MIB1: variants seen among roughly 807,000 people sequenced by gnomAD.
MIB1 encodes E3 ubiquitin-protein ligase MIB1.
In MIB1, 278 loss-of-function variants were observed where a neutral mutation model predicts 124.5. The ratio of observed to expected loss-of-function variants is 2.23; its 90% CI spans 2.02 to 2.47. The LOEUF (loss-of-function observed/expected upper bound fraction) is 2.47, where lower values mean the gene tolerates loss of function less well. Ranked by LOEUF, MIB1 falls within the 30% of genes most tolerant of loss-of-function variation. MIB1 has a pLI of 0.00. For synonymous variants in MIB1, 446 were observed against 429.4 expected (o/e 1.04, Z -0.48); for missense variants, 957 against 1,254.4 (o/e 0.76, Z 3.58).
At chr18:21,738,578 C>T (rs887123024), upstream of MIB1, among the ~76,000 whole-genome samples, 10 of 151,704 alleles carry the variant, frequency 6.6e-5, no homozygotes, top group East Asian at 1.2e-3. Context: ...GAGGCCGAGG[C>T]GGGCGGATCA....
At chr18:21,834,773 A>G (rs2042011647) in intron 12 of MIB1, among the ~76,000 whole-genome samples, 1 of 152,228 alleles carries the variant, frequency 6.6e-6, no homozygotes, top group South Asian at 2.1e-4. Flanking sequence ...GGAGCTAAGG[A>G]GAAAAGACAA....
intron 12 of MIB1, among the ~76,000 whole-genome samples, chr18:21,823,401 T>TAA (rs757621455): frequency 1.6e-5 from 2 of 128,482 alleles, no homozygotes; most frequent in African/African-American, 2.9e-5. Flanking sequence ...ACCCTGTCTC[T>TAA]AAAAAAAAAA....
At position 21,815,792 on chromosome 18, in the gene MIB1, T is replaced by C; in HGVS notation, c.1656T>C (p.Phe552=). Residue 552 remains phenylalanine, a synonymous_variant, in exon 11 of 21, where the codon TTT becomes TTC. Transcript: ENST00000261537. The part of the protein sequence containing the change: ...HLQVVKTLLD[F]GCHPSLQDSE... ...AAGTTGTGAAGACTTTATTGGACTT[T>C]GGCTGTCATCCCAGTCTCCAGGTAA... 1.9e-6 allele frequency: 3 copies of C among 1,614,142 alleles called. No individual in the cohort carries two copies. Among genetic ancestry groups the C allele is most frequent in the Non-Finnish European group, 2.5e-6 (3 of 1,179,998 alleles).
chr18:21,784,744 A>T (rs1315425403), intron 6 of MIB1, among the ~76,000 whole-genome samples: 5 of 152,120 alleles, frequency 3.3e-5, no homozygotes, highest in Admixed American at 6.5e-5. Context: ...GGGCCACTAG[A>T]GGGCTCGTTG....
chr18:21,818,478 G>C (rs1256485491), intron 11 of MIB1, among the ~76,000 whole-genome samples: 4 of 152,112 alleles, frequency 2.6e-5, no homozygotes, highest in African/African-American at 9.7e-5. Context: ...TATATTTGAG[G>C]CTACTTCTTT....
At chr18:21,725,158 C>T (rs1453170671) in intron 1 of MIB1, among the ~76,000 whole-genome samples, 1 of 151,566 alleles carries the variant, frequency 6.6e-6, no homozygotes, top group Non-Finnish European at 1.5e-5. Context: ...CATTGTGACC[C>T]CAACCTCAGT....
intron 12 of MIB1, among the ~76,000 whole-genome samples, chr18:21,835,840 A>ACACAC (rs1555695330): frequency 4.4e-4 from 48 of 108,062 alleles, no homozygotes; most frequent in Middle Eastern, 5.4e-3. Flanking sequence ...CACACACACA[A>ACACAC]ACACACACGA....
intron 11 of MIB1, chr18:21,817,814 A>G (rs929779781): frequency 1.1e-5 from 3 of 265,974 alleles, no homozygotes; most frequent in South Asian, 3.7e-5. Context: ...GAGACAAACC[A>G]TGCAGGAAAT....
chr18:21,779,423 G>A, intron 5 of MIB1, 58 bp from the exon 6 acceptor site: 1 of 1,328,798 alleles, frequency 7.5e-7, no homozygotes, highest in Non-Finnish European at 1.1e-6. Flanking sequence ...AGATAATGCA[G>A]CTGCCTGTTG....
At chr18:21,724,385 A>T (rs2040728231) in intron 1 of MIB1, among the ~76,000 whole-genome samples, 2 of 152,058 alleles carry the variant, frequency 1.3e-5, no homozygotes, top group Admixed American at 1.3e-4. Context: ...AATGAAAAAA[A>T]TTTTAGGTTA....
At position 21,791,190 on chromosome 18, in the gene MIB1, A is replaced by AG. The variant is rs1456693343; in HGVS notation, c.909-184_909-183insG. The AG allele has an allele frequency of 1.1e-5, 5 of 450,568 alleles. No homozygotes were observed. In the East Asian group the frequency reaches 1.6e-4, roughly 15 times the overall value. 27.9% of individuals were successfully genotyped at this position (450,568 alleles called of 1,614,324 possible). On this transcript the variant is annotated intron_variant, in intron 6 of 20. Transcript: ENST00000261537. Reference sequence around the variant, plus strand: ...GAGCAAGACTCTGTCTAAAAAAAAAAAAAACAAAACAGAAAACAAACAATG... The same window carrying AG: ...GAGCAAGACTCTGTCTAAAAAAAAAAGAAAACAAAACAGAAAACAAACAATG...
At chr18:21,724,712 CAA>C (rs1193584277) in intron 1 of MIB1, among the ~76,000 whole-genome samples, 574 of 20,578 alleles carry the variant, frequency 0.028, 29 homozygotes, top group Middle Eastern at 0.062. Context: ...CTCCCCCATC[CAA>C]AAAAAAAAAA....
At chr18:21,783,657 C>T (rs1297808446) in intron 6 of MIB1, among the ~76,000 whole-genome samples, 1 of 151,312 alleles carries the variant, frequency 6.6e-6, no homozygotes, top group African/African-American at 2.4e-5. Context: ...TTTTGTAACT[C>T]GTCTCTTCCT....
chr18:21,776,801 T>C (rs774931996), intron 4 of MIB1, among the ~76,000 whole-genome samples: 4 of 151,976 alleles, frequency 2.6e-5, no homozygotes, highest in Non-Finnish European at 4.4e-5. Context: ...CTGGCCAGCA[T>C]GGTGAAACCT....
chr18:21,824,842 T>A (rs2041910204), intron 12 of MIB1, among the ~76,000 whole-genome samples: 1 of 152,174 alleles, frequency 6.6e-6, no homozygotes, highest in South Asian at 2.1e-4. Context: ...ATAGTTTTAT[T>A]GCAATCATTA....
chr18:21,810,338 T>A (rs964056232), intron 10 of MIB1, among the ~76,000 whole-genome samples: 5 of 152,100 alleles, frequency 3.3e-5, no homozygotes, highest in Non-Finnish European at 2.9e-5. Flanking sequence ...ACATATTCAA[T>A]GAAATTCTGT....
intron 9 of MIB1, 138 bp downstream of exon 9, chr18:21,800,112 C>A: frequency 1.7e-6 from 1 of 583,208 alleles, no homozygotes; most frequent in Non-Finnish European, 2.8e-6. Flanking sequence ...TATTTTAAAG[C>A]AGACATCAGA....
chr18:21,771,697 T>A (rs1307638401), intron 3 of MIB1, among the ~76,000 whole-genome samples: 2 of 151,982 alleles, frequency 1.3e-5, no homozygotes, highest in Non-Finnish European at 2.9e-5. Context: ...TTAGGTTGGG[T>A]AATAATTACA....
chr18:21,771,552 G>T (rs1241415846), intron 3 of MIB1, among the ~76,000 whole-genome samples: 1 of 152,090 alleles, frequency 6.6e-6, no homozygotes, highest in Non-Finnish European at 1.5e-5. Flanking sequence ...TAGTTGAGCA[G>T]GAATCATAAA....
Sources: allele counts gnomAD v4.1 joint callset (sites outside exome capture counted in the v4.1 genomes callset), GRCh38; gene constraint gnomAD v4.1.1; transcripts MANE v1.5; gene names NCBI Gene and HGNC (gene_info 2026-07-23, HGNC 2026-07-21).